Variants in LRRTM4 observed in about 807,000 individuals in gnomAD.
LRRTM4 encodes leucine rich repeat transmembrane neuronal 4, also known as leucine-rich repeat transmembrane neuronal protein 4.
In LRRTM4, 25 loss-of-function variants were observed where a neutral mutation model predicts 47.6. The ratio of observed to expected loss-of-function variants is 0.53; its 90% CI spans 0.38 to 0.73. LRRTM4 has a LOEUF of 0.73. LRRTM4 is among the 30% of genes least tolerant of loss of function. LRRTM4 has a pLI of 0.00. For synonymous variants in LRRTM4, 311 were observed against 269.5 expected, an observed-to-expected ratio of 1.15 and a Z score of -1.51; for missense variants, 638 against 713.4, an observed-to-expected ratio of 0.89 and a Z score of 1.20.
At chr2:76,834,026 ATTTAT>A (rs1671436833) in intron 3 of LRRTM4, among the ~76,000 whole-genome samples, 1 of 123,716 alleles carries the variant, frequency 8.1e-6, no homozygotes, top group Admixed American at 7.8e-5. Flanking sequence ...TTTATTATTT[ATTTAT>A]TTATTTATTT....
intron 3 of LRRTM4, among the ~76,000 whole-genome samples, chr2:77,508,356 G>A (rs1678856222): frequency 6.6e-6 from 1 of 152,052 alleles, no homozygotes; most frequent in African/African-American, 2.4e-5. Flanking sequence ...GGCTCGTAGA[G>A]GACAAGTGAT....
intron 3 of LRRTM4, among the ~76,000 whole-genome samples, chr2:76,900,066 T>C (rs1673570589): frequency 6.6e-6 from 1 of 152,042 alleles, no homozygotes; most frequent in Admixed American, 6.6e-5. Flanking sequence ...CAGTCTCTAC[T>C]AAAAATACAA....
At chr2:77,042,818 C>T (rs1353563253) in intron 3 of LRRTM4, among the ~76,000 whole-genome samples, 5 of 151,712 alleles carry the variant, frequency 3.3e-5, no homozygotes, top group South Asian at 2.1e-4. Context: ...CTCCTTTTTA[C>T]CTCCTCAACC....
chr2:77,514,330 G>A (rs1679131322), intron 3 of LRRTM4, among the ~76,000 whole-genome samples: 1 of 152,006 alleles, frequency 6.6e-6, no homozygotes, highest in South Asian at 2.1e-4. Flanking sequence ...TTAGCACACT[G>A]AAGAATATCA....
At chr2:77,241,858 A>C (rs1675278244) in intron 3 of LRRTM4, among the ~76,000 whole-genome samples, 1 of 152,018 alleles carries the variant, frequency 6.6e-6, no homozygotes, top group South Asian at 2.1e-4. Flanking sequence ...TCTTAGGTCC[A>C]ATATAGTTTC....
chr2:77,396,918 A>G (rs1347352325), intron 3 of LRRTM4, among the ~76,000 whole-genome samples: 4 of 151,878 alleles, frequency 2.6e-5, no homozygotes, highest in African/African-American at 4.8e-5. Context: ...GTGATTCTTT[A>G]TTTTACCCAT....
intron 3 of LRRTM4, among the ~76,000 whole-genome samples, chr2:77,041,470 A>C (rs1679032034): frequency 6.6e-6 from 1 of 151,380 alleles, no homozygotes; most frequent in Non-Finnish European, 1.5e-5. Flanking sequence ...TAGTTTTGAA[A>C]TTTTAAGGAA....
At chr2:76,900,091 T>C (rs940446282) in intron 3 of LRRTM4, among the ~76,000 whole-genome samples, 2 of 152,000 alleles carry the variant, frequency 1.3e-5, no homozygotes, top group African/African-American at 4.8e-5. Flanking sequence ...TAGTCAGGCA[T>C]GATGGATGGC....
chr2:77,132,910 A>C (rs2103979893), intron 3 of LRRTM4, among the ~76,000 whole-genome samples: 1 of 152,214 alleles, frequency 6.6e-6, no homozygotes, highest in Non-Finnish European at 1.5e-5. Flanking sequence ...TTGGGAGGGA[A>C]GTGGAGGAGG....
chr2:76,856,528 T>C (rs996881341), intron 3 of LRRTM4, among the ~76,000 whole-genome samples: 1 of 152,084 alleles, frequency 6.6e-6, no homozygotes, highest in African/African-American at 2.4e-5. Context: ...TTTCTAGGAA[T>C]CTCAATTAAA....
intron 3 of LRRTM4, among the ~76,000 whole-genome samples, chr2:77,445,043 T>C (rs1675997488): frequency 6.6e-6 from 1 of 151,654 alleles, no homozygotes; most frequent in African/African-American, 2.4e-5. Context: ...GAAATATTGT[T>C]CAGATATTTT....
chr2:76,782,678 AT>A (rs1309371892), intron 3 of LRRTM4, among the ~76,000 whole-genome samples: 2 of 151,806 alleles, frequency 1.3e-5, no homozygotes, highest in African/African-American at 2.4e-5. Flanking sequence ...ACTTTTTCTG[AT>A]TTTTTTCTAT....
At position 77,061,413 on chromosome 2, in the gene LRRTM4, C is replaced by G. The variant is rs10179382; in HGVS notation, c.1552-312497G>C. ...TGACCTTCAAAACAGAAATAATAAA[C>G]CTGCAGAGTTGCTGAGAGTCAACAC... is the stretch of plus-strand genomic sequence containing the variant. On this transcript the variant is annotated intron_variant, in intron 3 of 3. Transcript: ENST00000409884. Among the ~76,000 whole-genome samples the G allele has an allele frequency of 8.4e-3, 1,281 of 152,040 alleles. 19 individuals are homozygous for G. Among genetic ancestry groups the G allele is most frequent in the African/African-American group, 0.03 (1,232 of 41,470 alleles).
chr2:76,938,191 T>C (rs1352015577), intron 3 of LRRTM4, among the ~76,000 whole-genome samples: 5 of 152,186 alleles, frequency 3.3e-5, no homozygotes, highest in African/African-American at 9.6e-5. Context: ...CATTTATCTG[T>C]TCTCAATCCA....
intron 3 of LRRTM4, among the ~76,000 whole-genome samples, chr2:76,917,816 G>C (rs28434117): frequency 6.0e-4 from 91 of 152,258 alleles, no homozygotes; most frequent in African/African-American, 2.0e-3. Flanking sequence ...GGACAGGGTA[G>C]AAGTAAGTTA....
At chr2:76,811,232 C>T (rs971336709) in intron 3 of LRRTM4, among the ~76,000 whole-genome samples, 3 of 152,050 alleles carry the variant, frequency 2.0e-5, no homozygotes, top group Admixed American at 6.6e-5. Context: ...ACATAGGCAC[C>T]CAATGAATAT....
intron 3 of LRRTM4, among the ~76,000 whole-genome samples, chr2:77,448,798 G>A (rs531213447): frequency 1.2e-4 from 18 of 152,148 alleles, no homozygotes; most frequent in South Asian, 4.2e-4. Flanking sequence ...TATTGTTTCC[G>A]CGTGTACCTA....
chr2:77,119,695 T>C (rs2103952759), intron 3 of LRRTM4, among the ~76,000 whole-genome samples: 1 of 151,930 alleles, frequency 6.6e-6, no homozygotes, highest in East Asian at 1.9e-4. Context: ...AGCTAGCCAA[T>C]GATATAAGTC....
chr2:77,107,634 C>T (rs1171090874), intron 3 of LRRTM4, among the ~76,000 whole-genome samples: 2 of 151,992 alleles, frequency 1.3e-5, no homozygotes, highest in African/African-American at 4.8e-5. Context: ...GCCTAACCAA[C>T]ATGGAGAAAC....
Sources: gnomAD v4.1 joint callset for allele counts (sites outside exome capture counted in the v4.1 genomes callset) on GRCh38, gnomAD v4.1.1 for gene constraint, MANE v1.5 for transcripts, NCBI Gene and HGNC (gene_info 2026-07-23, HGNC 2026-07-21) for gene names.